The following SENP7 variants were observed in gnomAD, a reference collection of about 807,000 sequenced individuals.
The protein encoded by SENP7 is sentrin-specific protease 7.
SENP7 carries 64 observed loss-of-function variants against 141.2 expected under a neutral mutation model. The ratio of observed to expected loss-of-function variants is 0.45; its 90% CI spans 0.37 to 0.56. The LOEUF (loss-of-function observed/expected upper bound fraction) is 0.56. Among genes scored for constraint, SENP7 ranks in the 20% least tolerant of loss-of-function variants. SENP7 has a pLI of 0.00. For missense variants in SENP7, 1,025 were observed against 1,212.2 expected (o/e 0.85, Z 2.29); for synonymous variants, 382 against 426.4 (o/e 0.90, Z 1.28).
At chr3:101,424,457 C>A (rs535067297) in intron 4 of SENP7, among the ~76,000 whole-genome samples, 1 of 152,250 alleles carries the variant, frequency 6.6e-6, no homozygotes, top group Admixed American at 6.5e-5. Context: ...CAACTGACCA[C>A]CATTGCAGTG....
intron 17 of SENP7, among the ~76,000 whole-genome samples, chr3:101,333,992 G>A (rs1271342104): frequency 6.6e-6 from 1 of 152,166 alleles, no homozygotes; most frequent in Non-Finnish European, 1.5e-5. Flanking sequence ...TAAGGAGCAC[G>A]CAACCTAGAT....
intron 4 of SENP7, among the ~76,000 whole-genome samples, chr3:101,437,242 G>C (rs115550094): frequency 1.3e-5 from 2 of 152,294 alleles, no homozygotes; most frequent in Admixed American, 1.3e-4. Context: ...AGTGGGCTGA[G>C]GGGGGCAGGT....
At chr3:101,502,296 T>TTTTTG (rs1379957297) in intron 1 of SENP7, among the ~76,000 whole-genome samples, 15 of 152,120 alleles carry the variant, frequency 9.9e-5, no homozygotes, top group Admixed American at 8.5e-4. Context: ...TTAGCATGTT[T>TTTTTG]TTTTGTTTTG....
At position 101,366,445 on chromosome 3, in the gene SENP7, T is replaced by A; in HGVS notation, c.1303A>T (p.Ile435Phe). 6.2e-7 allele frequency: 1 copy of A among 1,600,954 alleles called. No individual in the cohort carries two copies. Among genetic ancestry groups the A allele is most frequent in the Non-Finnish European group, 8.5e-7 (1 of 1,172,186 alleles). ...TGTCACTTACTTGGTTCAGCTGAGA[T>A]CAGTGATTGGTTCCCTTCATTATGT... ...RGHNEGNQSL[I>F]SAEPIVVSSD... The change falls in exon 9 of 24, where the codon ATC (isoleucine) becomes TTC (phenylalanine). Residue 435 changes from isoleucine to phenylalanine, a missense_variant. By Grantham distance (21) the Ile-to-Phe change is conservative. This residue lies in a region of SENP7 where 496 missense variants were observed against 503.5 expected (regional missense o/e 0.99). Coordinates refer to ENST00000394095, the MANE Select transcript of SENP7 (RefSeq NM_020654.5).
At chr3:101,482,670 T>C (rs1253105001) in intron 3 of SENP7, among the ~76,000 whole-genome samples, 3 of 152,198 alleles carry the variant, frequency 2.0e-5, no homozygotes, top group Admixed American at 2.0e-4. Context: ...ATTATAAAGC[T>C]ACACTAATCA....
At chr3:101,355,378 G>T (rs2059713168) in intron 11 of SENP7, among the ~76,000 whole-genome samples, 1 of 152,010 alleles carries the variant, frequency 6.6e-6, no homozygotes, top group African/African-American at 2.4e-5. Context: ...ATCTTGAGTT[G>T]ATTTTTGTGT....
Position 101,366,753 on chromosome 3 carries a change from T to C in SENP7, c.995A>G (p.Asp332Gly). Reference sequence around the variant, plus strand: ...TTCAAACTCAGTGGATATTGTTGAGTCATCTTCTTGTTTTTTCTAAACATA... The same window carrying C: ...TTCAAACTCAGTGGATATTGTTGAGCCATCTTCTTGTTTTTTCTAAACATA... ...STEQTKKQEDDSTISTEFEKP... is the reference protein window; with the variant it reads ...STEQTKKQEDGSTISTEFEKP... The change falls in exon 9 of 24, where the codon GAC becomes GGC. Residue 332 changes from aspartate (D) to glycine (G), a missense_variant. Transcript: ENST00000394095. 6.3e-7 allele frequency: 1 copy of C among 1,584,928 alleles called. No homozygotes were observed. Among genetic ancestry groups the C allele is most frequent in the East Asian group, 2.3e-5 (1 of 44,412 alleles).
rs1576520716 is a variant in SENP7, at chr3:101,494,100, A to G, written c.91-132T>C. On this transcript the variant is annotated intron_variant, in intron 2 of 23. Transcript: ENST00000394095. ...TTAAGGAGTTTTAAATTCAGTGCTT[A>G]ATTTATATACAATTAAATATAATTT... 3 of 449,232 alleles carry G rather than the reference A, an allele frequency of 6.7e-6. No homozygotes were observed. The East Asian group carries it at 9.6e-5, about 14-fold the overall frequency. The allele number at this position is 449,232 out of a possible 1,614,324, so 27.8% of individuals were successfully genotyped here.
At chr3:101,381,422 CATG>C (rs1376881984) in intron 6 of SENP7, among the ~76,000 whole-genome samples, 2 of 151,900 alleles carry the variant, frequency 1.3e-5, no homozygotes, top group African/African-American at 4.8e-5. Flanking sequence ...CACTATTTTT[CATG>C]ATTATAATCA....
intron 4 of SENP7, among the ~76,000 whole-genome samples, chr3:101,429,623 T>C (rs1214270392): frequency 6.6e-6 from 1 of 152,218 alleles, no homozygotes; most frequent in Non-Finnish European, 1.5e-5. Context: ...TATACAATCA[T>C]GCCATCTGTA....
At chr3:101,370,272 GAGGACTGTT>G (rs1182146002) in intron 7 of SENP7, among the ~76,000 whole-genome samples, 3 of 152,108 alleles carry the variant, frequency 2.0e-5, no homozygotes, top group Non-Finnish European at 1.5e-5. Flanking sequence ...AAGTCAATGT[GAGGACTGTT>G]AGTCCTCACA....
chr3:101,426,335 C>G (rs1383911438), intron 4 of SENP7, among the ~76,000 whole-genome samples: 1 of 152,046 alleles, frequency 6.6e-6, no homozygotes, highest in Non-Finnish European at 1.5e-5. Flanking sequence ...AAAGGGAAGC[C>G]CATCAGACTA....
At chr3:101,431,368 A>G (rs2062161753) in intron 4 of SENP7, among the ~76,000 whole-genome samples, 1 of 152,064 alleles carries the variant, frequency 6.6e-6, no homozygotes. Context: ...GTGGTCCTGT[A>G]GTAGGTGCAT....
intron 12 of SENP7, among the ~76,000 whole-genome samples, chr3:101,350,848 G>A (rs758961361): frequency 2.0e-5 from 3 of 151,436 alleles, no homozygotes; most frequent in Non-Finnish European, 3.0e-5. Flanking sequence ...CTTATTCTGT[G>A]CCCTTTATAT....
chr3:101,452,838 T>C (rs1186429349), intron 4 of SENP7, among the ~76,000 whole-genome samples: 3 of 152,106 alleles, frequency 2.0e-5, no homozygotes, highest in Non-Finnish European at 4.4e-5. Context: ...CCAAAAGCAA[T>C]GGCAACAAAA....
intron 3 of SENP7, among the ~76,000 whole-genome samples, chr3:101,491,309 A>C (rs2064959817): frequency 1.4e-5 from 2 of 145,464 alleles, no homozygotes; most frequent in African/African-American, 5.0e-5. Context: ...TTTTAGTAGA[A>C]ACAGGATCTC....
At chr3:101,453,610 G>A (rs540413397) in intron 4 of SENP7, among the ~76,000 whole-genome samples, 19 of 151,780 alleles carry the variant, frequency 1.3e-4, no homozygotes, top group Admixed American at 2.0e-4. Flanking sequence ...GTAAACTATC[G>A]CAAGGACAAA....
At chr3:101,345,659 A>G (rs1004049569) in intron 13 of SENP7, among the ~76,000 whole-genome samples, 83 of 152,310 alleles carry the variant, frequency 5.4e-4, no homozygotes, top group African/African-American at 1.9e-3. Flanking sequence ...AAACACAAAC[A>G]AAGTGGGGAA....
At chr3:101,435,812 T>C (rs1451897897) in intron 4 of SENP7, among the ~76,000 whole-genome samples, 2 of 152,086 alleles carry the variant, frequency 1.3e-5, no homozygotes, top group African/African-American at 2.4e-5. Context: ...TGTTCATAGA[T>C]TGAAAGAATC....
Sources: allele counts gnomAD v4.1 joint callset (sites outside exome capture counted in the v4.1 genomes callset), GRCh38; gene constraint gnomAD v4.1.1; regional missense constraint gnomAD v4.1.1; transcripts MANE v1.5; gene names NCBI Gene and HGNC (gene_info 2026-07-23, HGNC 2026-07-21).